ZNF609: variants seen among roughly 807,000 people sequenced by gnomAD.
The protein encoded by ZNF609 is zinc finger protein 609.
In ZNF609, 11 loss-of-function variants were observed where a neutral mutation model predicts 109.5. The ratio of observed to expected loss-of-function variants is 0.10; its 90% CI spans 0.06 to 0.17. ZNF609 has a LOEUF of 0.17. Among genes scored for constraint, ZNF609 ranks in the 10% least tolerant of loss-of-function variants. ZNF609 has a pLI of 1.00. For missense variants in ZNF609, 1,559 were observed against 1,772.4 expected (o/e 0.88, Z 2.16); for synonymous variants, 646 against 662.0 (o/e 0.98, Z 0.37).
chr15:64,617,386 G>A (rs1398742919), intron 2 of ZNF609, among the ~76,000 whole-genome samples: 1 of 151,902 alleles, frequency 6.6e-6, no homozygotes, highest in Non-Finnish European at 1.5e-5. Context: ...CAGCTACTTG[G>A]GAGGCTGAGG....
At chr15:64,496,013 T>A (rs1893477713) in intron 1 of ZNF609, among the ~76,000 whole-genome samples, 1 of 152,106 alleles carries the variant, frequency 6.6e-6, no homozygotes, top group Non-Finnish European at 1.5e-5. Context: ...GAGATGAGGT[T>A]TCACCATGTT....
Position 64,684,421 on chromosome 15 carries a change from G to A in ZNF609, c.*2735G>A, listed in dbSNP as rs182098817. 60 of 152,340 alleles carry A rather than the reference G, an allele frequency of 3.9e-4. No individual in the cohort carries two copies. The highest frequency in any genetic ancestry group is 1.2e-3 in the African/African-American group (51 of 41,534). The allele number at this position is 152,340 out of a possible 1,614,324, so 9.4% of individuals were successfully genotyped here. Reference sequence around the variant, plus strand: ...TAGAGGAGAAGCTAAAGAGGGAGGGGGCCTCATCCCCAGATAGATCAGGCA... The same window carrying A: ...TAGAGGAGAAGCTAAAGAGGGAGGGAGCCTCATCCCCAGATAGATCAGGCA... On this transcript the variant is annotated 3_prime_UTR_variant, in exon 10 of 10. Coordinates refer to ENST00000326648, the MANE Select transcript of ZNF609 (RefSeq NM_015042.2).
chr15:64,594,765 G>A (rs1015833435), intron 2 of ZNF609, among the ~76,000 whole-genome samples: 2 of 151,032 alleles, frequency 1.3e-5, no homozygotes, highest in Admixed American at 1.3e-4. Context: ...GGTGGCTCAC[G>A]CCTGTAATCC....
chr15:64,630,705 T>A (rs186157372), intron 3 of ZNF609, among the ~76,000 whole-genome samples: 2,544 of 151,782 alleles, frequency 0.017, 45 homozygotes, highest in Non-Finnish European at 0.023. Context: ...TGGCCTCAAA[T>A]GATCTGCCTG....
At chr15:64,504,051 C>T (rs1893597052) in intron 2 of ZNF609, among the ~76,000 whole-genome samples, 1 of 152,202 alleles carries the variant, frequency 6.6e-6, no homozygotes, top group Admixed American at 6.5e-5. Context: ...CGCCTTCTTC[C>T]ACTAGCTGTT....
Position 64,675,303 on chromosome 15 carries a change from A to T in ZNF609, c.2449A>T (p.Thr817Ser), listed in dbSNP as rs148104351. The T allele has an allele frequency of 7.4e-6, 12 of 1,613,734 alleles. No homozygotes were observed. The Admixed American group carries it at 2.0e-4, about 27-fold the overall frequency. ...AGGCAGTAGCCGCCTTGAAAACACT[A>T]CCCCTACTCAGCCCCTGACTCCCTT... is the stretch of plus-strand genomic sequence containing the variant. ...IGGSSRLENT[T>S]PTQPLTPLHV... Residue 817 changes from threonine (T) to serine (S), a missense_variant, in exon 5 of 10, where the codon ACC becomes TCC. Transcript: ENST00000326648.
At chr15:64,562,972 G>A (rs1324950597) in intron 2 of ZNF609, among the ~76,000 whole-genome samples, 2 of 151,748 alleles carry the variant, frequency 1.3e-5, no homozygotes, top group East Asian at 1.9e-4. Context: ...AAGTCCAATT[G>A]TCTAACGTAT....
chr15:64,601,259 G>T (rs1895494000), intron 2 of ZNF609, among the ~76,000 whole-genome samples: 1 of 152,208 alleles, frequency 6.6e-6, no homozygotes, highest in African/African-American at 2.4e-5. Context: ...CAAATAAATT[G>T]TTATTGCATT....
chr15:64,670,166 C>T (rs568312256), intron 3 of ZNF609, among the ~76,000 whole-genome samples, 180 bp from the exon 4 acceptor site: 3 of 152,278 alleles, frequency 2.0e-5, no homozygotes, highest in African/African-American at 7.2e-5. Flanking sequence ...TCCTAAGGGA[C>T]CTCAGTAGCA....
chr15:64,674,994 C>A lies in ZNF609; in HGVS notation c.2140C>A (p.Pro714Thr), dbSNP rs765310375. 17 of 1,613,918 alleles carry A rather than the reference C, an allele frequency of 1.1e-5. No individual in the cohort carries two copies. In the Admixed American group the frequency reaches 2.8e-4, roughly 27 times the overall value. Residue 714 changes from proline (P) to threonine (T), a missense_variant, in exon 5 of 10, where the codon CCT (proline) becomes ACT (threonine). Pro to Thr is a conservative substitution (Grantham distance 38). This residue lies in a region of ZNF609 where 1,204 missense variants were observed against 1,314.1 expected (regional missense o/e 0.92). Transcript: ENST00000326648. The stretch of plus-strand genomic sequence containing the variant: ...GCCCAAGCCCACTGTTATGGGAGAA[C>A]CTTTCACAGTCAACCCTGCCTTGAC... ...IQPKPTVMGE[P>T]FTVNPALTPA...
intron 1 of ZNF609, among the ~76,000 whole-genome samples, chr15:64,466,091 G>T (rs964072563): frequency 8.1e-6 from 1 of 122,822 alleles, no homozygotes; most frequent in Non-Finnish European, 1.6e-5. Context: ...ACTCCAGCCT[G>T]GTCAACAAGA....
intron 2 of ZNF609, among the ~76,000 whole-genome samples, chr15:64,599,510 C>T (rs1423332171): frequency 6.6e-6 from 1 of 152,142 alleles, no homozygotes; most frequent in Non-Finnish European, 1.5e-5. Flanking sequence ...TGATTACCTA[C>T]ATGTCTGATG....
intron 2 of ZNF609, among the ~76,000 whole-genome samples, chr15:64,546,860 G>T (rs1567010958): frequency 6.8e-6 from 1 of 146,004 alleles, no homozygotes; most frequent in East Asian, 2.1e-4. Context: ...GCGTGATCCC[G>T]GCTCACTGCA....
intron 2 of ZNF609, among the ~76,000 whole-genome samples, chr15:64,531,349 C>G (rs1362733876): frequency 6.6e-6 from 1 of 152,196 alleles, no homozygotes; most frequent in South Asian, 2.1e-4. Context: ...GATGATAAAC[C>G]TAAAAACACT....
intron 3 of ZNF609, among the ~76,000 whole-genome samples, chr15:64,641,809 C>G (rs947092701): frequency 4.6e-5 from 7 of 152,042 alleles, no homozygotes; most frequent in Non-Finnish European, 1.0e-4. Flanking sequence ...CAGACTATCC[C>G]AAATTGCTTA....
intron 3 of ZNF609, among the ~76,000 whole-genome samples, chr15:64,633,964 GTTTAAT>G (rs1896128082): frequency 6.6e-6 from 1 of 151,980 alleles, no homozygotes; most frequent in African/African-American, 2.4e-5. Context: ...GGGTCTGAAT[GTTTAAT>G]TTTATTTAAT....
chr15:64,467,176 C>G (rs1243145893), intron 1 of ZNF609, among the ~76,000 whole-genome samples: 1 of 152,214 alleles, frequency 6.6e-6, no homozygotes, highest in Non-Finnish European at 1.5e-5. Context: ...TCTCTTGTCT[C>G]TGTGAGAAAT....
chr15:64,482,317 A>G (rs1893265894), intron 1 of ZNF609, among the ~76,000 whole-genome samples: 1 of 152,122 alleles, frequency 6.6e-6, no homozygotes, highest in Non-Finnish European at 1.5e-5. Context: ...ACAGAAAAAT[A>G]TCTAGAAGTC....
intron 2 of ZNF609, among the ~76,000 whole-genome samples, chr15:64,507,415 C>G (rs1289314149): frequency 2.0e-5 from 3 of 152,228 alleles, no homozygotes; most frequent in African/African-American, 7.2e-5. Context: ...CTGTCTGAGC[C>G]CTCTCTCTGT....
Sources: gnomAD v4.1 joint callset for allele counts (sites outside exome capture counted in the v4.1 genomes callset) on GRCh38, gnomAD v4.1.1 for gene constraint, gnomAD v4.1.1 regional missense constraint, MANE v1.5 for transcripts, NCBI Gene and HGNC (gene_info 2026-07-23, HGNC 2026-07-21) for gene names.